SETBP1: variants seen among roughly 807,000 people sequenced by gnomAD.
SETBP1 encodes SET binding protein 1.
Under a neutral mutation model 101.0 loss-of-function variants are expected in SETBP1, and 9 were observed. That is an observed-to-expected ratio of 0.09 (90% CI 0.05 to 0.16). The LOEUF (loss-of-function observed/expected upper bound fraction) is 0.16, where lower values mean the gene tolerates loss of function less well. Ranked by LOEUF, SETBP1 falls within the 10% of genes least tolerant of loss-of-function variation. The probability of loss-of-function intolerance (pLI) is 1.00; values close to 1 mark genes in which losing one functional copy is unlikely to be tolerated. For missense variants in SETBP1, 1,858 were observed against 2,033.8 expected, an observed-to-expected ratio of 0.91 and a Z score of 1.66; for synonymous variants, 818 against 788.5, an observed-to-expected ratio of 1.04 and a Z score of -0.63.
intron 4 of SETBP1, among the ~76,000 whole-genome samples, chr18:44,992,061 G>A (rs1314462194): frequency 2.0e-5 from 3 of 152,114 alleles, no homozygotes; most frequent in Non-Finnish European, 4.4e-5. Context: ...CTGAATAATA[G>A]TGAAAACACA....
intron 4 of SETBP1, among the ~76,000 whole-genome samples, chr18:44,960,541 G>A (rs2071591005): frequency 6.6e-6 from 1 of 151,640 alleles, no homozygotes; most frequent in Admixed American, 6.6e-5. Flanking sequence ...ACAGGGTCTC[G>A]CTCTGTTCCC....
chr18:44,843,669 C>T (rs1419269540), intron 2 of SETBP1, among the ~76,000 whole-genome samples: 1 of 152,158 alleles, frequency 6.6e-6, no homozygotes. Flanking sequence ...TCACATGCCT[C>T]TCCAGTCAAA....
chr18:44,710,450 G>GTTTTT (rs11375634), intron 2 of SETBP1, among the ~76,000 whole-genome samples: 5 of 123,400 alleles, frequency 4.1e-5, no homozygotes, highest in African/African-American at 9.2e-5. Flanking sequence ...CATTTTAGGA[G>GTTTTT]TTTTTTTTTT....
intron 3 of SETBP1, among the ~76,000 whole-genome samples, chr18:44,887,134 T>G (rs2069666813): frequency 6.6e-6 from 1 of 152,176 alleles, no homozygotes; most frequent in East Asian, 1.9e-4. Context: ...TTTTCTCATT[T>G]GTCAAGTGGG....
intron 4 of SETBP1, among the ~76,000 whole-genome samples, chr18:44,990,115 C>G (rs979129060): frequency 1.2e-4 from 18 of 151,556 alleles, no homozygotes; most frequent in African/African-American, 4.4e-4. Context: ...CTTTCAAACG[C>G]AAGAATAATG....
chr18:44,919,352 T>C (rs2070522793), intron 3 of SETBP1, among the ~76,000 whole-genome samples: 1 of 151,428 alleles, frequency 6.6e-6, no homozygotes. Flanking sequence ...CCCATCTTTT[T>C]TTTTTTTTTT....
intron 3 of SETBP1, among the ~76,000 whole-genome samples, chr18:44,880,423 A>G (rs1218428277): frequency 1.3e-5 from 2 of 152,342 alleles, no homozygotes; most frequent in Admixed American, 6.5e-5. Context: ...AGCTGGCTAA[A>G]TTTGGCTTCC....
intron 2 of SETBP1, among the ~76,000 whole-genome samples, chr18:44,795,151 T>C (rs2071449127): frequency 6.6e-6 from 1 of 152,214 alleles, no homozygotes; most frequent in Admixed American, 6.5e-5. Flanking sequence ...CTTGCCATAG[T>C]CAATGGTCTA....
intron 3 of SETBP1, 52 bp downstream of exon 3, chr18:44,869,335 G>C: frequency 6.4e-7 from 1 of 1,563,050 alleles, no homozygotes; most frequent in Non-Finnish European, 8.8e-7. Context: ...ATGATCCAGA[G>C]TTTGGTTGTC....
intron 2 of SETBP1, among the ~76,000 whole-genome samples, chr18:44,797,078 A>G (rs928939784): frequency 2.0e-5 from 3 of 152,206 alleles, no homozygotes; most frequent in African/African-American, 7.2e-5. Context: ...CGAACAGGTT[A>G]CAGGCAGATC....
chr18:44,749,140 A>C (rs2070327334), intron 2 of SETBP1, among the ~76,000 whole-genome samples: 1 of 152,168 alleles, frequency 6.6e-6, no homozygotes. Flanking sequence ...ACTCAAAGCA[A>C]CACTCTCCCA....
At chr18:45,029,562 G>T (rs1286132074) in intron 4 of SETBP1, among the ~76,000 whole-genome samples, 1 of 152,174 alleles carries the variant, frequency 6.6e-6, no homozygotes. Flanking sequence ...GTCATTGGTA[G>T]CTTGATGGGG....
At chr18:45,000,538 C>G (rs538753942) in intron 4 of SETBP1, among the ~76,000 whole-genome samples, 1 of 152,120 alleles carries the variant, frequency 6.6e-6, no homozygotes, top group African/African-American at 2.4e-5. Context: ...ATCACCACCA[C>G]CAAATCTGTT....
chr18:45,045,936 C>A (rs2073603693), intron 5 of SETBP1, among the ~76,000 whole-genome samples: 2 of 152,028 alleles, frequency 1.3e-5, no homozygotes, highest in Non-Finnish European at 2.9e-5. Flanking sequence ...CTTTGAATGG[C>A]TAATTCATGA....
At chr18:44,736,232 A>G (rs556735793) in intron 2 of SETBP1, among the ~76,000 whole-genome samples, 1 of 152,106 alleles carries the variant, frequency 6.6e-6, no homozygotes, top group Admixed American at 6.5e-5. Flanking sequence ...AAAAAAAGTT[A>G]GTCAGGCATG....
chr18:44,951,082 C>A lies in SETBP1; in HGVS notation c.1742C>A (p.Thr581Asn), dbSNP rs757376929. ...AACACAGACAGTCTTACTGTGATCA[C>A]TCCAGTCAAAAAGAAGCGGGGACGA... Reference protein sequence around the residue: ...YTNTDSLTVITPVKKKRGRPK... With the variant: ...YTNTDSLTVINPVKKKRGRPK... Residue 581 changes from threonine to asparagine, a missense_variant, in exon 4 of 6, where the codon ACT (threonine) becomes AAT (asparagine). Around this residue, in one of 12 missense-constraint regions of SETBP1, gnomAD observed 24 missense variants for 68.4 expected, o/e 0.35. Coordinates refer to ENST00000649279, the MANE Select transcript of SETBP1 (RefSeq NM_015559.3). This position sits in a 1 kb window ranked among gnomAD's most constrained non-coding sequence, Gnocchi z 7.8. 3 of 1,614,160 alleles carry A rather than the reference C, an allele frequency of 1.9e-6. No individual in the cohort carries two copies. Among genetic ancestry groups the A allele is most frequent in the Non-Finnish European group, 2.5e-6 (3 of 1,180,042 alleles).
intron 2 of SETBP1, among the ~76,000 whole-genome samples, chr18:44,805,405 A>AGTGTGTGT (rs4024593): frequency 2.1e-5 from 3 of 144,738 alleles, no homozygotes; most frequent in African/African-American, 7.6e-5. Flanking sequence ...TGCACATGTA[A>AGTGTGTGT]GTGTGTGTGT....
At chr18:44,813,294 G>A (rs987092396) in intron 2 of SETBP1, among the ~76,000 whole-genome samples, 1 of 152,288 alleles carries the variant, frequency 6.6e-6, no homozygotes, top group East Asian at 1.9e-4. Flanking sequence ...TTACATGGCA[G>A]AAGATATAAA....
chr18:45,002,617 G>A (rs900343123), intron 4 of SETBP1, among the ~76,000 whole-genome samples: 11 of 152,060 alleles, frequency 7.2e-5, no homozygotes, highest in Non-Finnish European at 1.3e-4. Flanking sequence ...GGGCAATGCC[G>A]AATTCTAAGC....
Sources: allele counts gnomAD v4.1 joint callset (sites outside exome capture counted in the v4.1 genomes callset), GRCh38; gene constraint gnomAD v4.1.1; regional missense constraint gnomAD v4.1.1; non-coding constraint Gnocchi (gnomAD v3.1); transcripts MANE v1.5; gene names NCBI Gene and HGNC (gene_info 2026-07-23, HGNC 2026-07-21).